The following CEP63 variants were observed in gnomAD, a reference collection of about 807,000 sequenced individuals.
CEP63 encodes centrosomal protein 63.
CEP63 carries 84 observed loss-of-function variants against 89.1 expected under a neutral mutation model. The observed-to-expected ratio is 0.94, with a 90% CI of 0.79 to 1.13. CEP63 has a LOEUF of 1.13. CEP63 is among the 50% of genes most tolerant of loss of function. The pLI is 0.00. For synonymous variants in CEP63, 267 were observed against 272.5 expected (o/e 0.98, Z 0.20); for missense variants, 838 against 813.3 (o/e 1.03, Z -0.37).
chr3:134,558,241 A>C lies in CEP63; in HGVS notation c.1567A>C (p.Thr523Pro). The C allele has an allele frequency of 6.2e-7, 1 of 1,613,634 alleles. No homozygotes were observed. Residue 523 changes from threonine (T) to proline (P), a missense_variant, in exon 13 of 15, where the codon ACC (threonine) becomes CCC (proline). By Grantham distance (38) the Thr-to-Pro change is conservative (BLOSUM62 -1). Coordinates refer to ENST00000675561, the MANE Select transcript of CEP63 (RefSeq NM_001353108.3). ...NQQLQKDLMN[T>P]KSQLEISTQM... is the part of the protein sequence containing the mutation. ...ACAACTACAGAAAGATTTGATGAAT[A>C]CCAAATCTCAGCTGGAGATTTCTAC...
intron 5 of CEP63, 173 bp from the exon 6 acceptor site, chr3:134,536,982 A>G (rs1020748573): frequency 4.7e-6 from 3 of 640,922 alleles, no homozygotes; most frequent in Non-Finnish European, 8.8e-6. Flanking sequence ...TATGTGAGGA[A>G]GTTAGTATTA....
chr3:134,643,248 G>A, the CEP63 span: 16 of 1,486,886 alleles, frequency 1.1e-5, no homozygotes, highest in East Asian at 6.8e-5. Context: ...CTGGGCTGTC[G>A]CTGGCCAGAG....
chr3:134,662,991 C>G, the CEP63 span, among the ~76,000 whole-genome samples: 2 of 152,212 alleles, frequency 1.3e-5, no homozygotes, highest in African/African-American at 4.8e-5. Flanking sequence ...GGCATTCACA[C>G]AGCCAGTTTA....
chr3:134,702,044 A>C, the CEP63 span, among the ~76,000 whole-genome samples: 2 of 152,176 alleles, frequency 1.3e-5, no homozygotes, highest in Admixed American at 1.3e-4. Flanking sequence ...ATGTGCAAAA[A>C]TTGCTAGCAT....
chr3:134,553,874 G>A (rs561331692), intron 12 of CEP63, among the ~76,000 whole-genome samples: 1 of 152,214 alleles, frequency 6.6e-6, no homozygotes, highest in African/African-American at 2.4e-5. Flanking sequence ...AGGAGCAAGT[G>A]TGCATAAAAT....
intron 6 of CEP63, among the ~76,000 whole-genome samples, chr3:134,540,933 C>T (rs1423117308): frequency 6.6e-6 from 1 of 151,988 alleles, no homozygotes; most frequent in African/African-American, 2.4e-5. Context: ...AGGTGCTCAC[C>T]ACCACGCTCA....
At chr3:134,550,466 G>T (rs1409986742) in intron 11 of CEP63, among the ~76,000 whole-genome samples, 4 of 152,174 alleles carry the variant, frequency 2.6e-5, no homozygotes, top group Non-Finnish European at 5.9e-5. Flanking sequence ...TGTATCAGTG[G>T]TGTATGGTGA....
At chr3:134,780,025 A>G in the CEP63 span, 1 of 152,210 alleles carries the variant, frequency 6.6e-6, no homozygotes, top group Non-Finnish European at 1.5e-5. Context: ...GAAGCAATTT[A>G]CACTCCTACC....
At chr3:134,523,658 T>A (rs1947997755) in intron 3 of CEP63, among the ~76,000 whole-genome samples, 1 of 152,164 alleles carries the variant, frequency 6.6e-6, no homozygotes, top group Non-Finnish European at 1.5e-5. Flanking sequence ...CCTTTCCTTA[T>A]TGCTTGTTTT....
chr3:134,605,778 T>C, the CEP63 span, among the ~76,000 whole-genome samples: 1 of 152,098 alleles, frequency 6.6e-6, no homozygotes, highest in Non-Finnish European at 1.5e-5. Context: ...TCTCAGACCT[T>C]GGAGGACCTA....
the CEP63 span, among the ~76,000 whole-genome samples, chr3:134,612,101 G>A: frequency 6.6e-6 from 1 of 152,170 alleles, no homozygotes; most frequent in African/African-American, 2.4e-5. Flanking sequence ...CGGGCCACTA[G>A]TGCTGAGGTT....
At chr3:134,544,577 A>T (rs1424706527) in intron 6 of CEP63, among the ~76,000 whole-genome samples, 2 of 151,184 alleles carry the variant, frequency 1.3e-5, no homozygotes, top group African/African-American at 4.9e-5. Flanking sequence ...GGTCACGATG[A>T]CTAATCTAAA....
intron 4 of CEP63, 106 bp from the exon 5 acceptor site, chr3:134,532,672 C>T (rs929184113): frequency 4.9e-6 from 4 of 822,692 alleles, no homozygotes; most frequent in African/African-American, 3.4e-5. Context: ...AACATGTTCT[C>T]AGTAGTACTG....
At chr3:134,608,586 T>G in the CEP63 span, 1 of 1,613,314 alleles carries the variant, frequency 6.2e-7, no homozygotes, top group East Asian at 2.2e-5. Flanking sequence ...GGCGGGCTCC[T>G]GGAGGACAGT....
At chr3:134,583,376 C>A (rs1464334790) in intron 10 of CEP63, among the ~76,000 whole-genome samples, 2 of 152,134 alleles carry the variant, frequency 1.3e-5, no homozygotes, top group Non-Finnish European at 2.9e-5. Flanking sequence ...AGGAAGGGAT[C>A]CAGTTTCAGC....
At chr3:134,629,599 T>C in the CEP63 span, 7,189 of 1,576,854 alleles carry the variant, frequency 4.6e-3, 26 homozygotes, top group Non-Finnish European at 5.5e-3. Context: ...CCCTCCACCA[T>C]GAGTACCTGT....
At chr3:134,500,537 GGTTGAACTAA>G (rs549794350) in intron 2 of CEP63, among the ~76,000 whole-genome samples, 11 of 152,224 alleles carry the variant, frequency 7.2e-5, no homozygotes, top group African/African-American at 2.6e-4. Flanking sequence ...TTTCCACAGG[GGTTGAACTAA>G]TTTACATTCC....
At position 134,546,144 on chromosome 3, in the gene CEP63, T is replaced by G; in HGVS notation, c.790-5T>G. Reference sequence around the variant, plus strand: ...AAATTATAATCATATTTGACTTTTTTGCAGGCTCTGCAGGAAGAAAAGAGA... The same window carrying G: ...AAATTATAATCATATTTGACTTTTTGGCAGGCTCTGCAGGAAGAAAAGAGA... On this transcript the variant is annotated splice_polypyrimidine_tract_variant and splice_region_variant and intron_variant, in intron 7 of 14. Coordinates refer to ENST00000675561, the MANE Select transcript of CEP63 (RefSeq NM_001353108.3). The G allele has an allele frequency of 6.2e-7, 1 of 1,613,666 alleles. No homozygotes were observed. Among genetic ancestry groups the G allele is most frequent in the Non-Finnish European group, 8.5e-7 (1 of 1,179,868 alleles).
the CEP63 span, among the ~76,000 whole-genome samples, chr3:134,665,110 G>T: frequency 6.6e-6 from 1 of 152,206 alleles, no homozygotes; most frequent in African/African-American, 2.4e-5. Flanking sequence ...GAGAAGTCCG[G>T]CAGGGGCTTC....
Sources: allele counts gnomAD v4.1 joint callset (sites outside exome capture counted in the v4.1 genomes callset), GRCh38; gene constraint gnomAD v4.1.1; transcripts MANE v1.5; gene names NCBI Gene and HGNC (gene_info 2026-07-23, HGNC 2026-07-21).